Variants in KLF12 observed in about 807,000 individuals in gnomAD.
KLF12 encodes the protein KLF transcription factor 12.
In KLF12, 9 loss-of-function variants were observed where a neutral mutation model predicts 37.8. The observed-to-expected ratio is 0.24, with a 90% CI of 0.14 to 0.42. The LOEUF (loss-of-function observed/expected upper bound fraction) is 0.42. Ranked by LOEUF, KLF12 falls within the 10% of genes least tolerant of loss-of-function variation. The pLI is 1.00. For missense variants in KLF12, 411 were observed against 516.0 expected (o/e 0.80, Z 1.97); for synonymous variants, 208 against 202.1 (o/e 1.03, Z -0.25).
At chr13:73,831,311 T>C (rs1262122022) in intron 4 of KLF12, among the ~76,000 whole-genome samples, 1 of 152,190 alleles carries the variant, frequency 6.6e-6, no homozygotes, top group African/African-American at 2.4e-5. Context: ...TGAGTCTTAG[T>C]TTTCTCATTG....
At chr13:73,745,908 G>A (rs191928447) in intron 6 of KLF12, among the ~76,000 whole-genome samples, 2 of 152,270 alleles carry the variant, frequency 1.3e-5, no homozygotes, top group East Asian at 3.9e-4. Flanking sequence ...TTCAAGGATC[G>A]TAATGTCCTG....
intron 1 of KLF12, among the ~76,000 whole-genome samples, chr13:74,118,013 T>C (rs1439587977): frequency 6.6e-6 from 1 of 151,518 alleles, no homozygotes; most frequent in Non-Finnish European, 1.5e-5. Context: ...CCAATGTTGG[T>C]TTCCTGGTCT....
chr13:73,893,566 G>C (rs189235654), intron 3 of KLF12, among the ~76,000 whole-genome samples: 67 of 151,880 alleles, frequency 4.4e-4, no homozygotes, highest in African/African-American at 1.4e-3. Context: ...ATTTTTGGTA[G>C]AGAAGGGGTT....
chr13:74,181,671 C>T, the KLF12 span, among the ~76,000 whole-genome samples: 2 of 149,302 alleles, frequency 1.3e-5, no homozygotes, highest in African/African-American at 2.5e-5. Flanking sequence ...TGCACTCTAG[C>T]CTGGGTGACA....
At chr13:73,992,951 G>C (rs1892009643) in intron 2 of KLF12, among the ~76,000 whole-genome samples, 2 of 152,170 alleles carry the variant, frequency 1.3e-5, no homozygotes, top group African/African-American at 4.8e-5. Context: ...CAGCAGTGAG[G>C]CTGGGCACAG....
chr13:73,998,611 A>C (rs1892184483), intron 1 of KLF12, among the ~76,000 whole-genome samples: 1 of 152,246 alleles, frequency 6.6e-6, no homozygotes, highest in Non-Finnish European at 1.5e-5. Flanking sequence ...TACATATTCA[A>C]TTCAGTTACT....
At chr13:74,173,062 C>G in the KLF12 span, among the ~76,000 whole-genome samples, 1 of 152,148 alleles carries the variant, frequency 6.6e-6, no homozygotes, top group Non-Finnish European at 1.5e-5. Flanking sequence ...GAACACATAG[C>G]TTAGAAACAA....
At chr13:74,280,960 C>G in the KLF12 span, among the ~76,000 whole-genome samples, 7 of 151,522 alleles carry the variant, frequency 4.6e-5, no homozygotes, top group Non-Finnish European at 8.8e-5. Context: ...GTCTGATACT[C>G]TCTCCCACAA....
chr13:73,767,045 A>G (rs891784755), intron 5 of KLF12, among the ~76,000 whole-genome samples: 13 of 152,324 alleles, frequency 8.5e-5, no homozygotes, highest in Admixed American at 5.9e-4. Context: ...AAAAAGGTAA[A>G]TCAACAAAGC....
chr13:73,902,158 T>C (rs73220879), intron 3 of KLF12, among the ~76,000 whole-genome samples: 184 of 152,300 alleles, frequency 1.2e-3, no homozygotes, highest in Non-Finnish European at 2.3e-3. Flanking sequence ...ACTTGGACTT[T>C]TATTATCCCA....
intron 4 of KLF12, among the ~76,000 whole-genome samples, 156 bp from the exon 5 acceptor site, chr13:73,813,443 T>C (rs977232531): frequency 2.6e-5 from 4 of 152,228 alleles, no homozygotes; most frequent in African/African-American, 9.6e-5. Flanking sequence ...TTTTATGTTC[T>C]GAGTACTTAC....
the KLF12 span, among the ~76,000 whole-genome samples, chr13:74,200,189 C>CGGGG: frequency 4.6e-5 from 7 of 150,934 alleles, no homozygotes; most frequent in African/African-American, 1.7e-4. Context: ...TAAGCTTGCT[C>CGGGG]AGGGGGGGGG....
intron 4 of KLF12, among the ~76,000 whole-genome samples, chr13:73,841,499 A>G (rs1167151890): frequency 6.6e-6 from 1 of 152,192 alleles, no homozygotes; most frequent in Admixed American, 6.5e-5. Context: ...TACAGCCCAC[A>G]GCTGCGGGTT....
chr13:74,141,530 T>A, the KLF12 span, among the ~76,000 whole-genome samples: 1 of 152,190 alleles, frequency 6.6e-6, no homozygotes, highest in Non-Finnish European at 1.5e-5. Context: ...ATACATATTT[T>A]TGTCCATCCC....
At chr13:73,780,167 T>TA (rs1490025299) in intron 5 of KLF12, among the ~76,000 whole-genome samples, 1 of 152,196 alleles carries the variant, frequency 6.6e-6, no homozygotes, top group Non-Finnish European at 1.5e-5. Context: ...TATCCTACTT[T>TA]GTTTATTTTA....
intron 7 of KLF12, among the ~76,000 whole-genome samples, chr13:73,701,296 A>C (rs1280549024): frequency 6.6e-6 from 1 of 152,218 alleles, no homozygotes; most frequent in Non-Finnish European, 1.5e-5. Context: ...CATTTCCCCT[A>C]AACTCATTTG....
intron 1 of KLF12, among the ~76,000 whole-genome samples, chr13:74,113,638 C>T (rs1050166394): frequency 1.3e-5 from 2 of 152,196 alleles, no homozygotes; most frequent in African/African-American, 4.8e-5. Context: ...TGACAATGCA[C>T]CTAGTCACCC....
chr13:73,978,827 A>G (rs1273464689), intron 2 of KLF12, among the ~76,000 whole-genome samples: 1 of 152,248 alleles, frequency 6.6e-6, no homozygotes, highest in Non-Finnish European at 1.5e-5. Context: ...TGAAATATTC[A>G]GTACTAAAAG....
chr13:74,069,055 G>C (rs937148164), intron 1 of KLF12, among the ~76,000 whole-genome samples: 3 of 152,178 alleles, frequency 2.0e-5, no homozygotes, highest in Admixed American at 1.3e-4. Context: ...AGCCCTCCAA[G>C]TGGTCAAATG....
Sources: gnomAD v4.1 joint callset for allele counts (sites outside exome capture counted in the v4.1 genomes callset) on GRCh38, gnomAD v4.1.1 for gene constraint, MANE v1.5 for transcripts, NCBI Gene and HGNC (gene_info 2026-07-23, HGNC 2026-07-21) for gene names.